C4orf50: variants seen among roughly 807,000 people sequenced by gnomAD.
The protein encoded by C4orf50 is uncharacterized protein C4orf50.
In C4orf50, 80 loss-of-function variants were observed where a neutral mutation model predicts 77.2. The observed-to-expected ratio is 1.04, with a 90% CI of 0.87 to 1.25. The LOEUF is 1.25. C4orf50 is among the 50% of genes most tolerant of loss of function. The probability of loss-of-function intolerance (pLI) is 0.00; values close to 1 mark genes in which losing one functional copy is unlikely to be tolerated. For missense variants in C4orf50, 1,257 were observed against 1,152.9 expected, an observed-to-expected ratio of 1.09 and a Z score of -1.31; for synonymous variants, 532 against 465.3, an observed-to-expected ratio of 1.14 and a Z score of -1.84.
At chr4:5,957,550 C>T (rs887668520) in exon 34 of C4orf50, 1 of 152,176 alleles carries the variant, frequency 6.6e-6, no homozygotes, top group South Asian at 2.1e-4. Flanking sequence ...TCTGGGGATT[C>T]TTGAGGGGTG....
intron 7 of C4orf50, among the ~76,000 whole-genome samples, chr4:5,928,736 C>T (rs1301428539): frequency 6.6e-6 from 1 of 152,234 alleles, no homozygotes; most frequent in Non-Finnish European, 1.5e-5. Context: ...CAATTCCTAA[C>T]AGGGGAACCT....
Position 6,008,025 on chromosome 4 carries a change from C to T in C4orf50, c.934G>A (p.Ala312Thr). 1 of 399,318 alleles carries T rather than the reference C, an allele frequency of 2.5e-6. No individual in the cohort carries two copies. The highest frequency in any genetic ancestry group is 1.3e-4 in the South Asian group (1 of 7,862). 24.7% of individuals were successfully genotyped at this position (399,318 alleles called of 1,614,324 possible). The change falls in exon 25 of 34, where the codon GCC (alanine) becomes ACC (threonine). Residue 312 changes from alanine to threonine, a missense_variant. Coordinates refer to ENST00000531445, the Ensembl canonical transcript of C4orf50. This position sits in a 1 kb window ranked among gnomAD's most constrained non-coding sequence, Gnocchi z 6.0. ...CTGCAGTGACCAATAGGGGCCTGGGCTCCCAGCTCCTCTCGCAGGCACTGG... is the reference window on the plus strand; with the variant it reads ...CTGCAGTGACCAATAGGGGCCTGGGTTCCCAGCTCCTCTCGCAGGCACTGG...
rs780505935 is a variant in C4orf50, at chr4:5,973,844, G to A, written c.3922-3C>T. On this transcript the variant is annotated splice_polypyrimidine_tract_variant and splice_region_variant and intron_variant, in intron 30 of 33. Coordinates refer to ENST00000531445, the Ensembl canonical transcript of C4orf50. Reference sequence around the variant, plus strand: ...CGGACGAGGGAAGCTATCTTGGCCTGAAAGGGAGGGAGGCCATGGATGCAG... The same window carrying A: ...CGGACGAGGGAAGCTATCTTGGCCTAAAAGGGAGGGAGGCCATGGATGCAG... 6 of 1,605,410 alleles carry A rather than the reference G, an allele frequency of 3.7e-6. No homozygotes were observed. In the Admixed American group the frequency reaches 1.0e-4, roughly 27 times the overall value.
intron 7 of C4orf50, among the ~76,000 whole-genome samples, chr4:5,949,447 C>T (rs765815774): frequency 3.9e-5 from 6 of 152,172 alleles, no homozygotes; most frequent in South Asian, 2.1e-4. Context: ...GCTCACAAGA[C>T]GACAAACATT....
At chr4:5,972,014 T>TTA (rs1421771623) in intron 31 of C4orf50, among the ~76,000 whole-genome samples, 6 of 151,720 alleles carry the variant, frequency 4.0e-5, no homozygotes, top group African/African-American at 7.3e-5. Flanking sequence ...TTCGATTTTT[T>TTA]TTTTTTTTTT....
chr4:5,926,530 T>A (rs1483230357), intron 7 of C4orf50, among the ~76,000 whole-genome samples: 1 of 152,162 alleles, frequency 6.6e-6, no homozygotes, highest in Non-Finnish European at 1.5e-5. Context: ...GTGGTGATGG[T>A]GGCACAACAT....
At chr4:6,010,908 C>G (rs1722469398) in intron 24 of C4orf50, among the ~76,000 whole-genome samples, 2 of 152,194 alleles carry the variant, frequency 1.3e-5, no homozygotes, top group Non-Finnish European at 2.9e-5. Flanking sequence ...TCAACTTAGC[C>G]CACACAACAA....
chr4:5,947,791 C>A (rs1023330017), intron 7 of C4orf50, among the ~76,000 whole-genome samples: 1 of 152,150 alleles, frequency 6.6e-6, no homozygotes, highest in African/African-American at 2.4e-5. Flanking sequence ...GCTGGATCGT[C>A]CCCCTGGGAG....
chr4:5,975,657 C>T (rs563384819), intron 30 of C4orf50, among the ~76,000 whole-genome samples: 1 of 152,126 alleles, frequency 6.6e-6, no homozygotes, highest in African/African-American at 2.4e-5. Context: ...GGACTATAGA[C>T]GCATGCCATC....
intron 28 of C4orf50, 82 bp from the exon 7 acceptor site, chr4:5,980,420 C>T (rs996100486): frequency 7.8e-6 from 10 of 1,281,196 alleles, no homozygotes; most frequent in Non-Finnish European, 1.1e-5. Context: ...TACCCGTTTC[C>T]CCACTCCGTA....
chr4:5,994,318 G>A (rs576294532), intron 26 of C4orf50, 29 bp downstream of exon 4: 9 of 399,146 alleles, frequency 2.3e-5, no homozygotes, highest in African/African-American at 2.1e-5. Context: ...CCCGCGACTC[G>A]TCCTCCACGC....
chr4:6,013,124 T>A (rs1722551714), intron 23 of C4orf50, among the ~76,000 whole-genome samples: 1 of 152,144 alleles, frequency 6.6e-6, no homozygotes, highest in Non-Finnish European at 1.5e-5. Context: ...GTTCAGTAGG[T>A]TTTCATGAAG....
At chr4:5,986,504 A>C (rs1468687820) in intron 28 of C4orf50, among the ~76,000 whole-genome samples, 1 of 151,408 alleles carries the variant, frequency 6.6e-6, no homozygotes, top group East Asian at 1.9e-4. Context: ...TTTAATTTCT[A>C]AATCAATACA....
At chr4:5,929,018 T>A (rs1397182485) in intron 7 of C4orf50, among the ~76,000 whole-genome samples, 1 of 152,192 alleles carries the variant, frequency 6.6e-6, no homozygotes, top group Non-Finnish European at 1.5e-5. Flanking sequence ...CATAGCTACC[T>A]CCTAACACTG....
intron 7 of C4orf50, among the ~76,000 whole-genome samples, chr4:5,930,679 C>T (rs538453481): frequency 1.8e-4 from 27 of 152,330 alleles, no homozygotes; most frequent in African/African-American, 5.5e-4. Context: ...CTGCTCATCA[C>T]CCTCTGGCTC....
chr4:5,980,741 G>A (rs1007333463), intron 28 of C4orf50, among the ~76,000 whole-genome samples: 2 of 152,166 alleles, frequency 1.3e-5, no homozygotes, highest in African/African-American at 4.8e-5. Flanking sequence ...GCCAGTCACT[G>A]TTATACTGAA....
chr4:5,931,686 C>G (rs934204414), intron 7 of C4orf50, among the ~76,000 whole-genome samples: 1 of 152,142 alleles, frequency 6.6e-6, no homozygotes, highest in Non-Finnish European at 1.5e-5. Context: ...GCCCACTCCA[C>G]CCTCTCTGCA....
intron 25 of C4orf50, among the ~76,000 whole-genome samples, chr4:6,005,128 A>C (rs1285113335): frequency 6.6e-6 from 1 of 152,008 alleles, no homozygotes; most frequent in Non-Finnish European, 1.5e-5. Flanking sequence ...CCTGCCTGCA[A>C]CTCTGAGTAT....
rs551429727 is a variant in C4orf50 at position 5,944,723 on chromosome 4, GAC to G, written c.*2474+12176_*2474+12177del. Among the ~76,000 whole-genome samples the G allele has an allele frequency of 3.5e-4, 53 of 152,276 alleles. No individual in the cohort carries two copies. In the South Asian group the frequency reaches 3.5e-3, roughly 10 times the overall value. On this transcript the variant is annotated intron_variant, in intron 7 of 7. Coordinates refer to the C4orf50 transcript ENST00000324058. ...TTAAGGAGCAGGCAGCCTGCTGGGAGACAGGCAGGGACAAGGAAACAGAAGAG... is the reference window on the plus strand; with the variant it reads ...TTAAGGAGCAGGCAGCCTGCTGGGAGAGGCAGGGACAAGGAAACAGAAGAG...
Sources: allele counts gnomAD v4.1 joint callset (sites outside exome capture counted in the v4.1 genomes callset), GRCh38; gene constraint gnomAD v4.1.1; non-coding constraint Gnocchi (gnomAD v3.1); transcripts MANE v1.5; gene names NCBI Gene and HGNC (gene_info 2026-07-23, HGNC 2026-07-21).